XPO1: variants seen among roughly 807,000 people sequenced by gnomAD.
XPO1 encodes the protein exportin-1.
In XPO1, 5 loss-of-function variants were observed where a neutral mutation model predicts 133.3. The observed-to-expected ratio is 0.04, with a 90% CI of 0.02 to 0.08. XPO1 has a LOEUF of 0.08. XPO1 is among the 10% of genes least tolerant of loss of function. XPO1 has a pLI of 1.00. For missense variants in XPO1, 506 were observed against 1,267.5 expected (o/e 0.40, Z 9.12); for synonymous variants, 419 against 408.2 (o/e 1.03, Z -0.32).
In XPO1 at chr2:61,490,792, G is replaced by A. The variant is rs1696940741; in HGVS notation, c.1888-16C>T. On this transcript the variant is annotated splice_polypyrimidine_tract_variant and intron_variant, in intron 16 of 24. Coordinates refer to ENST00000401558, the MANE Select transcript of XPO1 (RefSeq NM_003400.4). ...ACGTATGAACCTATTTTAAAAAGCA[G>A]ACATTTTAACGTTTATGTTATACAC... 1 of 1,609,632 alleles carries A rather than the reference G, an allele frequency of 6.2e-7. No homozygotes were observed. The highest frequency in any genetic ancestry group is 8.5e-7 in the Non-Finnish European group (1 of 1,178,568).
At chr2:61,533,243 T>C (rs1033367526) in intron 2 of XPO1, among the ~76,000 whole-genome samples, 2 of 152,170 alleles carry the variant, frequency 1.3e-5, no homozygotes, top group African/African-American at 4.8e-5. Flanking sequence ...CAATTTAAAA[T>C]TGTACACACA....
chr2:61,499,427 A>T (rs976107859), intron 7 of XPO1, among the ~76,000 whole-genome samples: 5 of 152,198 alleles, frequency 3.3e-5, no homozygotes, highest in Non-Finnish European at 7.3e-5. Flanking sequence ...AAAATAAAAT[A>T]ACTAATACGT....
intron 23 of XPO1, among the ~76,000 whole-genome samples, chr2:61,481,977 C>CACCCACCTCA (rs1178077248): frequency 6.7e-6 from 1 of 149,072 alleles, no homozygotes; most frequent in Non-Finnish European, 1.5e-5. Context: ...CCTTGTGATT[C>CACCCACCTCA]ACCCACCTCA....
intron 4 of XPO1, among the ~76,000 whole-genome samples, chr2:61,519,531 T>TA (rs543883966): frequency 0.052 from 6,409 of 122,232 alleles, 440 homozygotes; most frequent in African/African-American, 0.16. Context: ...CCATCTCTAC[T>TA]AAAAAAAAAA....
intron 23 of XPO1, among the ~76,000 whole-genome samples, chr2:61,481,522 A>C (rs1368747465): frequency 2.0e-5 from 3 of 152,034 alleles, no homozygotes; most frequent in Admixed American, 6.6e-5. Context: ...ACAATCGCAC[A>C]ATCGCGGCTC....
intron 6 of XPO1, among the ~76,000 whole-genome samples, 188 bp from the exon 7 acceptor site, chr2:61,500,082 CTT>C (rs1011184802): frequency 5.3e-5 from 8 of 152,264 alleles, no homozygotes; most frequent in African/African-American, 1.9e-4. Context: ...AACACAAAGT[CTT>C]TTATCTTAAT....
At chr2:61,514,764 G>A (rs1442682000) in intron 4 of XPO1, among the ~76,000 whole-genome samples, 9 of 151,948 alleles carry the variant, frequency 5.9e-5, no homozygotes. Flanking sequence ...ACAGTTGGAT[G>A]CTTAAACATA....
At chr2:61,520,733 A>G (rs186314921) in intron 4 of XPO1, among the ~76,000 whole-genome samples, 21 of 152,374 alleles carry the variant, frequency 1.4e-4, no homozygotes, top group Admixed American at 7.2e-4. Flanking sequence ...TAGTATAATC[A>G]TATCTATTTT....
At chr2:61,525,214 T>C in intron 3 of XPO1, 1 of 967,624 alleles carries the variant, frequency 1.0e-6, no homozygotes, top group Non-Finnish European at 1.2e-6. Context: ...CCACCGCCCA[T>C]GAAACAAAAA....
Position 61,482,439 on chromosome 2 carries a change from T to C in XPO1, c.2913A>G (p.Gln971=), listed in dbSNP as rs1383632658. Reference sequence around the variant, plus strand: ...TAGCCACATATTCCTGAAGAAAGATTTGGTTGTTAACTGGATTTCCAGGAT... The same window carrying C: ...TAGCCACATATTCCTGAAGAAAGATCTGGTTGTTAACTGGATTTCCAGGAT... ...SLNPGNPVNN[Q]IFLQEYVANL... is the part of the protein sequence containing the mutation. Residue 971 remains glutamine, a synonymous_variant, in exon 23 of 25, where the codon CAA becomes CAG. Transcript: ENST00000401558. 1 of 1,613,526 alleles carries C rather than the reference T, an allele frequency of 6.2e-7. No individual in the cohort carries two copies. Among genetic ancestry groups the C allele is most frequent in the East Asian group, 2.2e-5 (1 of 44,868 alleles).
chr2:61,494,439 C>T, intron 11 of XPO1: 1 of 203,496 alleles, frequency 4.9e-6, no homozygotes, highest in South Asian at 8.3e-5. Flanking sequence ...AATATTCATA[C>T]AATGAGAATA....
At chr2:61,482,902 C>G (rs539244230) in intron 22 of XPO1, 55 bp downstream of exon 22, 1 of 1,605,962 alleles carries the variant, frequency 6.2e-7, no homozygotes, top group Admixed American at 1.7e-5. Context: ...GGATTATAGG[C>G]GTGAGGCCCT....
chr2:61,481,897 A>G (rs563432136), intron 23 of XPO1, among the ~76,000 whole-genome samples: 1 of 151,750 alleles, frequency 6.6e-6, no homozygotes, highest in Non-Finnish European at 1.5e-5. Flanking sequence ...CACCATGCCC[A>G]ACTAATTTTT....
At chr2:61,526,307 C>A in intron 3 of XPO1, 113 bp downstream of exon 3, 7 of 1,448,642 alleles carry the variant, frequency 4.8e-6, no homozygotes, top group Admixed American at 3.2e-5. Flanking sequence ...AACAAATTAA[C>A]AATATAAAAT....
At position 61,492,442 on chromosome 2, in the gene XPO1, T is replaced by G; in HGVS notation, c.1606A>C (p.Asn536His). 1 of 1,601,546 alleles carries G rather than the reference T, an allele frequency of 6.2e-7. No individual in the cohort carries two copies. Among genetic ancestry groups the G allele is most frequent in the Non-Finnish European group, 8.5e-7 (1 of 1,176,792 alleles). Residue 536 changes from asparagine (N) to histidine (H), a missense_variant, in exon 15 of 25, where the codon AAT (asparagine) becomes CAT (histidine). Transcript: ENST00000401558. This position sits in a 1 kb window ranked among gnomAD's most constrained non-coding sequence, Gnocchi z 5.6. The part of the protein sequence containing the change: ...GLCEQKRGKD[N>H]KAIIASNIMY... ...ATATTTGATGCAATAATAGCTTTAT[T>G]ATCTTTGCCTCTTTTCTGTTCACAT...
At chr2:61,500,746 C>G (rs1216617428) in intron 6 of XPO1, among the ~76,000 whole-genome samples, 1 of 152,078 alleles carries the variant, frequency 6.6e-6, no homozygotes, top group Non-Finnish European at 1.5e-5. Flanking sequence ...TTTCAGTGAA[C>G]TAAGACGGTG....
chr2:61,479,464 C>A lies in XPO1; in HGVS notation c.3070-498G>T, dbSNP rs202103477. On this transcript the variant is annotated intron_variant, in intron 24 of 24. Coordinates refer to ENST00000401558, the MANE Select transcript of XPO1 (RefSeq NM_003400.4). The stretch of plus-strand genomic sequence containing the variant: ...CGAGACTGTGCCCCCCCAAAAAAAA[C>A]AAAAAAAATGGTGTGATACCTTACA... Among the ~76,000 whole-genome samples the A allele has an allele frequency of 4.5e-4, 62 of 136,562 alleles. No individual in the cohort carries two copies. In the East Asian group the frequency reaches 6.9e-3, roughly 15 times the overall value. 89.6% of individuals were successfully genotyped at this position (136,562 alleles called of 152,430 possible).
At position 61,484,061 on chromosome 2, in the gene XPO1, T is replaced by C; in HGVS notation, c.2553A>G (p.Leu851=). The part of the protein sequence containing the change: ...YPEHRTNFFL[L]LQAVNSHCFP... ...AACAATGAGAATTGACAGCCTGAAG[T>C]AGTAAGAAAAAGTTCGTTCTATGTT... Residue 851 remains leucine (L), a synonymous_variant, in exon 21 of 25, where the codon CTA becomes CTG. Coordinates refer to ENST00000401558, the MANE Select transcript of XPO1 (RefSeq NM_003400.4). 5 of 1,613,878 alleles carry C rather than the reference T, an allele frequency of 3.1e-6. No homozygotes were observed. Among genetic ancestry groups the C allele is most frequent in the Non-Finnish European group, 4.2e-6 (5 of 1,179,862 alleles).
intron 6 of XPO1, 147 bp from the exon 7 acceptor site, chr2:61,500,041 C>T: frequency 2.6e-6 from 2 of 763,380 alleles, no homozygotes; most frequent in Non-Finnish European, 4.2e-6. Flanking sequence ...AGAAATGTGC[C>T]ACCCTCTTCA....
Sources: allele counts gnomAD v4.1 joint callset (sites outside exome capture counted in the v4.1 genomes callset), GRCh38; gene constraint gnomAD v4.1.1; non-coding constraint Gnocchi (gnomAD v3.1); transcripts MANE v1.5; gene names NCBI Gene and HGNC (gene_info 2026-07-23, HGNC 2026-07-21).